Variants in PEX5L observed in about 807,000 individuals in gnomAD.
PEX5L encodes the protein peroxisomal biogenesis factor 5 like.
Under a neutral mutation model 84.0 loss-of-function variants are expected in PEX5L, and 30 were observed. That is an observed-to-expected ratio of 0.36 (90% CI 0.27 to 0.48). The LOEUF (loss-of-function observed/expected upper bound fraction) is 0.48. PEX5L is among the 20% of genes least tolerant of loss of function. The pLI, the probability that PEX5L is intolerant of heterozygous loss-of-function variation, is 0.99. For missense variants in PEX5L, 533 were observed against 754.6 expected (o/e 0.71, Z 3.44); for synonymous variants, 270 against 283.1 (o/e 0.95, Z 0.46).
intron 1 of PEX5L, among the ~76,000 whole-genome samples, chr3:179,974,924 T>C (rs67420747): frequency 0.094 from 14,232 of 152,184 alleles, 1,291 homozygotes; most frequent in East Asian, 0.49. Context: ...AGGCCAGGTA[T>C]GGTAGCTTAA....
At chr3:179,924,891 G>A (rs1403898660) in intron 2 of PEX5L, among the ~76,000 whole-genome samples, 1 of 152,166 alleles carries the variant, frequency 6.6e-6, no homozygotes, top group Non-Finnish European at 1.5e-5. Flanking sequence ...GTACTGCAAA[G>A]CACTTAACTT....
intron 4 of PEX5L, among the ~76,000 whole-genome samples, chr3:179,882,516 C>T (rs948798263): frequency 2.0e-5 from 3 of 152,102 alleles, no homozygotes; most frequent in East Asian, 1.9e-4. Flanking sequence ...GCTTGGAGGT[C>T]GAATGGCCAG....
chr3:179,936,296 G>A (rs12696482), intron 2 of PEX5L, among the ~76,000 whole-genome samples: 140,474 of 152,244 alleles, frequency 0.92, 64,896 homozygotes, highest in South Asian at 0.97. Context: ...ATTTTTCAAG[G>A]TGCAATATAC....
At chr3:179,998,541 T>C (rs1008283075) in intron 1 of PEX5L, among the ~76,000 whole-genome samples, 4 of 152,208 alleles carry the variant, frequency 2.6e-5, no homozygotes, top group African/African-American at 9.7e-5. Context: ...TGCCATCTTC[T>C]GCAGATAACT....
Position 180,031,220 on chromosome 3 carries a change from G to T in PEX5L, c.21+5359C>A, listed in dbSNP as rs141640718. 2.0e-3 allele frequency among the ~76,000 whole-genome samples: 303 copies of T among 152,196 alleles called. 3 individuals carry two copies. Among genetic ancestry groups the T allele is most frequent in the Middle Eastern group, 6.8e-3 (2 of 294 alleles). Reference sequence around the variant, plus strand: ...ATTGTCTTGATAGTTAATGAATAGAGTATTAACTATCTTCCTGTTTATACT... The same window carrying T: ...ATTGTCTTGATAGTTAATGAATAGATTATTAACTATCTTCCTGTTTATACT... On this transcript the variant is annotated intron_variant, in intron 1 of 14. Transcript: ENST00000467460.
intron 2 of PEX5L, among the ~76,000 whole-genome samples, chr3:179,908,267 A>C (rs1763941416): frequency 6.6e-6 from 1 of 152,208 alleles, no homozygotes; most frequent in African/African-American, 2.4e-5. Flanking sequence ...GCTGCAAGCC[A>C]CAGTCAGCGT....
At chr3:179,943,412 T>C (rs969256020) in intron 2 of PEX5L, among the ~76,000 whole-genome samples, 1 of 152,264 alleles carries the variant, frequency 6.6e-6, no homozygotes, top group Non-Finnish European at 1.5e-5. Context: ...ATCTAATGAA[T>C]TGGATGAATA....
chr3:179,971,252 T>G (rs2110242425), intron 2 of PEX5L, among the ~76,000 whole-genome samples: 1 of 152,304 alleles, frequency 6.6e-6, no homozygotes, highest in East Asian at 1.9e-4. Context: ...TGTTTCTCAT[T>G]TTCAAGATAA....
At chr3:180,036,020 A>G (rs1463454715) in intron 1 of PEX5L, among the ~76,000 whole-genome samples, 1 of 152,190 alleles carries the variant, frequency 6.6e-6, no homozygotes, top group Non-Finnish European at 1.5e-5. Context: ...CTCCTTGGAC[A>G]TGTGTTTGAA....
At chr3:179,950,999 G>A (rs1778943254) in intron 2 of PEX5L, among the ~76,000 whole-genome samples, 1 of 152,190 alleles carries the variant, frequency 6.6e-6, no homozygotes, top group Admixed American at 6.5e-5. Flanking sequence ...AGTCCTGCTG[G>A]CCTTTTCTCA....
intron 2 of PEX5L, among the ~76,000 whole-genome samples, chr3:179,923,967 C>T (rs548099825): frequency 6.6e-6 from 1 of 152,124 alleles, no homozygotes; most frequent in African/African-American, 2.4e-5. Context: ...ATGTTTACGT[C>T]GGCAGTGAAT....
At chr3:179,866,866 AAC>A (rs1748417787) in intron 7 of PEX5L, among the ~76,000 whole-genome samples, 1 of 151,544 alleles carries the variant, frequency 6.6e-6, no homozygotes, top group African/African-American at 2.4e-5. Context: ...CTCTACTAAA[AAC>A]ACAAAAAATC....
chr3:179,884,189 T>G (rs1312797507), intron 4 of PEX5L, among the ~76,000 whole-genome samples: 1 of 152,192 alleles, frequency 6.6e-6, no homozygotes, highest in Non-Finnish European at 1.5e-5. Flanking sequence ...ATGGCCACAT[T>G]CTAATCCCCA....
At chr3:179,970,603 A>C (rs1784471308) in intron 2 of PEX5L, among the ~76,000 whole-genome samples, 1 of 152,160 alleles carries the variant, frequency 6.6e-6, no homozygotes, top group African/African-American at 2.4e-5. Context: ...CAGTTATTCC[A>C]AGACTAACAA....
intron 2 of PEX5L, among the ~76,000 whole-genome samples, chr3:179,941,449 C>T (rs892302836): frequency 3.3e-5 from 5 of 152,162 alleles, no homozygotes; most frequent in African/African-American, 4.8e-5. Context: ...TTATAGTAAG[C>T]GTTCAACATT....
chr3:179,957,596 C>T (rs1350746816), intron 2 of PEX5L, among the ~76,000 whole-genome samples: 3 of 152,204 alleles, frequency 2.0e-5, no homozygotes, highest in Non-Finnish European at 4.4e-5. Context: ...TCCTGTAGGG[C>T]AGCTGGTGGA....
chr3:179,971,697 A>T (rs1319790120), intron 1 of PEX5L, 32 bp from the exon 2 acceptor site: 1 of 1,557,636 alleles, frequency 6.4e-7, no homozygotes, highest in Non-Finnish European at 8.7e-7. Flanking sequence ...ATGATCATTT[A>T]GTTTCTATCC....
intron 1 of PEX5L, among the ~76,000 whole-genome samples, chr3:180,027,246 A>G (rs1419287232): frequency 1.3e-5 from 2 of 152,144 alleles, no homozygotes; most frequent in African/African-American, 4.8e-5. Flanking sequence ...TCAGGGCTTG[A>G]CTTGGGCTCT....
chr3:179,893,622 C>A (rs1243491320), intron 3 of PEX5L, among the ~76,000 whole-genome samples: 1 of 152,032 alleles, frequency 6.6e-6, no homozygotes, highest in Non-Finnish European at 1.5e-5. Context: ...CTGTAAAGGA[C>A]AATAATCCAT....
Sources: gnomAD v4.1 joint callset for allele counts (sites outside exome capture counted in the v4.1 genomes callset) on GRCh38, gnomAD v4.1.1 for gene constraint, MANE v1.5 for transcripts, NCBI Gene and HGNC (gene_info 2026-07-23, HGNC 2026-07-21) for gene names.